The following ANKS1A variants were observed in gnomAD, a reference collection of about 807,000 sequenced individuals.
ANKS1A encodes the protein ankyrin repeat and SAM domain-containing protein 1A.
In ANKS1A, 55 loss-of-function variants were observed where a neutral mutation model predicts 120.3. The ratio of observed to expected loss-of-function variants is 0.46; its 90% CI spans 0.37 to 0.57. ANKS1A has a LOEUF of 0.57. Ranked by LOEUF, ANKS1A falls within the 20% of genes least tolerant of loss-of-function variation. The probability of loss-of-function intolerance (pLI) is 0.00; values close to 1 mark genes in which losing one functional copy is unlikely to be tolerated. For missense variants in ANKS1A, 1,123 were observed against 1,480.3 expected (o/e 0.76, Z 3.96); for synonymous variants, 590 against 604.7 (o/e 0.98, Z 0.36).
chr6:35,028,616 A>C (rs987001835), intron 11 of ANKS1A, among the ~76,000 whole-genome samples: 4 of 152,192 alleles, frequency 2.6e-5, no homozygotes, highest in African/African-American at 7.2e-5. Context: ...CCTTCCAGAA[A>C]TATTCTCTGC....
Position 35,089,423 on chromosome 6 carries a change from C to T in ANKS1A, c.*814C>T, listed in dbSNP as rs549784165. 69 of 986,706 alleles carry T rather than the reference C, an allele frequency of 7.0e-5. No homozygotes were observed. In the African/African-American group the frequency reaches 1.0e-3, roughly 15 times the overall value. The allele number at this position is 986,706 out of a possible 1,614,324, so 61.1% of individuals were successfully genotyped here. A position where few individuals can be genotyped will look rare whatever the true frequency, so the allele number is the denominator to read the frequency against. On this transcript the variant is annotated 3_prime_UTR_variant, in exon 24 of 24. Coordinates refer to ENST00000360359, the MANE Select transcript of ANKS1A (RefSeq NM_015245.3). ...CGGAGCACTGCCCTGGGCTGGCCGGCGCCGTACTGCCTGCGTTGTGTCAGA... is the reference window on the plus strand; with the variant it reads ...CGGAGCACTGCCCTGGGCTGGCCGGTGCCGTACTGCCTGCGTTGTGTCAGA...
Position 35,089,035 on chromosome 6 carries a change from G to C in ANKS1A, c.*426G>C. The C allele has an allele frequency of 5.5e-6, 6 of 1,099,994 alleles. No homozygotes were observed. Among genetic ancestry groups the C allele is most frequent in the Non-Finnish European group, 6.7e-6 (6 of 897,272 alleles). The allele number at this position is 1,099,994 out of a possible 1,614,324, so 68.1% of individuals were successfully genotyped here. A position where few individuals can be genotyped will look rare whatever the true frequency, so the allele number is the denominator to read the frequency against. On this transcript the variant is annotated 3_prime_UTR_variant, in exon 24 of 24. Coordinates refer to ENST00000360359, the MANE Select transcript of ANKS1A (RefSeq NM_015245.3). ...CAGCCTGCATAGCCTCTGTCCTCAG[G>C]ACGGAACTTGGGTGCAGCTCAGTGG...
At chr6:34,985,352 A>G (rs1581597734) in intron 8 of ANKS1A, 74 bp downstream of exon 8, 2 of 1,462,986 alleles carry the variant, frequency 1.4e-6, no homozygotes, top group Non-Finnish European at 1.9e-6. Context: ...GGGCACGGGG[A>G]AGGGAAGTGT....
rs1316817718 is a variant in ANKS1A at position 35,084,949 on chromosome 6, C to T, written c.3132+691C>T. 6.6e-6 allele frequency among the ~76,000 whole-genome samples: 1 copy of T among 152,152 alleles called. No homozygotes were observed. ...GTGGCCCCAGGCTGCTTCCTCACCC[C>T]GGGAGGAAGTCAGAGGGGTCCAGGT... On this transcript the variant is annotated intron_variant, in intron 21 of 23. Transcript: ENST00000360359. This position sits in a 1 kb window ranked among gnomAD's most constrained non-coding sequence, Gnocchi z 4.8.
At chr6:35,030,379 G>A (rs547813852) in intron 11 of ANKS1A, among the ~76,000 whole-genome samples, 1 of 152,230 alleles carries the variant, frequency 6.6e-6, no homozygotes, top group South Asian at 2.1e-4. Context: ...AAGATGGGGG[G>A]CTGTTAGGTT....
At chr6:34,920,440 C>T (rs993779027) in intron 1 of ANKS1A, among the ~76,000 whole-genome samples, 1 of 152,098 alleles carries the variant, frequency 6.6e-6, no homozygotes, top group Non-Finnish European at 1.5e-5. Context: ...TGGTCTCAAA[C>T]TCCCGGCTTC....
At chr6:35,005,407 G>A (rs1773397776) in intron 10 of ANKS1A, among the ~76,000 whole-genome samples, 1 of 152,168 alleles carries the variant, frequency 6.6e-6, no homozygotes, top group Admixed American at 6.5e-5. Context: ...GAAATTAGTG[G>A]TAGTGGAAAC....
At position 35,016,778 on chromosome 6, in the gene ANKS1A, A is replaced by AG. The variant is rs1774026232; in HGVS notation, c.1424-695_1424-694insG. On this transcript the variant is annotated intron_variant, in intron 10 of 23. Transcript: ENST00000360359. ...GTGCACATTCTCAAAAAAAAAAAAA[A>AG]AAAAGAGAGAGAGAAAGAAAAGTCT... Among the ~76,000 whole-genome samples the AG allele has an allele frequency of 7.2e-5, 8 of 110,360 alleles. No individual in the cohort carries two copies. The South Asian group carries it at 1.2e-3, about 17-fold the overall frequency. The allele number at this position is 110,360 out of a possible 152,430, so 72.4% of individuals were successfully genotyped here.
At chr6:34,892,843 G>A (rs1007727124) in intron 1 of ANKS1A, among the ~76,000 whole-genome samples, 18 of 152,148 alleles carry the variant, frequency 1.2e-4, no homozygotes, top group African/African-American at 3.9e-4. Context: ...AACCCTCACC[G>A]ATTGATGCTA....
At position 35,085,405 on chromosome 6, in the gene ANKS1A, A is replaced by G. The variant is rs1044431243; in HGVS notation, c.3133-361A>G. ...AAATGGAGTTAGGGGCACAGCACTC[A>G]CAGACTTTGTCGGTGACACATTAAA... On this transcript the variant is annotated intron_variant, in intron 21 of 23. Coordinates refer to ENST00000360359, the MANE Select transcript of ANKS1A (RefSeq NM_015245.3). The surrounding 1 kb of genome is among the most constrained non-coding windows in gnomAD (Gnocchi z 4.7). Among the ~76,000 whole-genome samples the G allele has an allele frequency of 2.6e-5, 4 of 152,210 alleles. No individual in the cohort carries two copies. The highest frequency in any genetic ancestry group is 4.8e-5 in the African/African-American group (2 of 41,454).
At chr6:34,993,686 C>T (rs945882432) in intron 9 of ANKS1A, among the ~76,000 whole-genome samples, 6 of 152,122 alleles carry the variant, frequency 3.9e-5, no homozygotes, top group Non-Finnish European at 8.8e-5. Context: ...TTCTAGTAAA[C>T]GTCAAATGTT....
intron 11 of ANKS1A, among the ~76,000 whole-genome samples, chr6:35,024,697 G>GGCCAAGTCCAGAAGTGGCCTC (rs1774519529): frequency 6.6e-6 from 1 of 152,202 alleles, no homozygotes; most frequent in South Asian, 2.1e-4. Context: ...CACCCTTTCA[G>GGCCAAGTCCAGAAGTGGCCTC]GCCAAGTCCA....
At chr6:34,995,292 A>G (rs768433933) in intron 10 of ANKS1A, among the ~76,000 whole-genome samples, 7 of 152,150 alleles carry the variant, frequency 4.6e-5, no homozygotes, top group Non-Finnish European at 8.8e-5. Context: ...TGCGTATGAC[A>G]TTGTAGACTT....
the ANKS1A span, among the ~76,000 whole-genome samples, chr6:35,097,795 T>C: frequency 2.6e-5 from 4 of 152,190 alleles, no homozygotes; most frequent in Admixed American, 2.0e-4. Flanking sequence ...ACAGTTCAGT[T>C]GGTCTTAGTT....
rs59378149 is a variant in ANKS1A, at chr6:35,052,609, TAAA to T, written c.2011-1469_2011-1467del. On this transcript the variant is annotated intron_variant, in intron 11 of 23. Transcript: ENST00000360359. ...CAACATAACAAGACCTCTTCTCTGT[TAAA>T]AAAAAAAAAAAAAAAAAAAAGAATA... is the stretch of plus-strand genomic sequence containing the variant. Among the ~76,000 whole-genome samples, 720 of 102,410 alleles carry T rather than the reference TAAA, an allele frequency of 7.0e-3. 3 individuals carry two copies. Among genetic ancestry groups the T allele is most frequent in the Middle Eastern group, 0.015 (3 of 194 alleles). The allele number at this position is 102,410 out of a possible 152,430, so 67.2% of individuals were successfully genotyped here. A position where few individuals can be genotyped will look rare whatever the true frequency, so the allele number is the denominator to read the frequency against.
intron 13 of ANKS1A, among the ~76,000 whole-genome samples, chr6:35,068,578 T>G (rs553598717): frequency 1.6e-4 from 24 of 152,330 alleles, no homozygotes; most frequent in African/African-American, 5.3e-4. Context: ...CAATTTCTCG[T>G]GTGTCCAGGT....
chr6:35,030,781 C>T (rs1407732656), intron 11 of ANKS1A, among the ~76,000 whole-genome samples: 5 of 152,220 alleles, frequency 3.3e-5, no homozygotes, highest in African/African-American at 1.2e-4. Context: ...TTTGAAGCTG[C>T]AATTATGTCC....
chr6:34,891,904 GGCGTGA>G (rs1447283437), intron 1 of ANKS1A, among the ~76,000 whole-genome samples: 1 of 152,228 alleles, frequency 6.6e-6, no homozygotes, highest in Non-Finnish European at 1.5e-5. Context: ...TGGGATTACA[GGCGTGA>G]GCCACCTTGC....
Position 34,982,995 on chromosome 6 carries a change from C to A in ANKS1A, c.809-118C>A. 8.0e-7 allele frequency: 1 copy of A among 1,255,274 alleles called. No individual in the cohort carries two copies. The highest frequency in any genetic ancestry group is 1.2e-6 in the Non-Finnish European group (1 of 866,412). The allele number at this position is 1,255,274 out of a possible 1,614,324, so 77.8% of individuals were successfully genotyped here. Reference sequence around the variant, plus strand: ...GTTCTTGAATAGCTGGATTAAATGGCTCTGGATGAAAAATGTTGGCCATGC... The same window carrying A: ...GTTCTTGAATAGCTGGATTAAATGGATCTGGATGAAAAATGTTGGCCATGC... On this transcript the variant is annotated intron_variant, in intron 5 of 23. Coordinates refer to ENST00000360359, the MANE Select transcript of ANKS1A (RefSeq NM_015245.3). The surrounding 1 kb of genome is among the most constrained non-coding windows in gnomAD (Gnocchi z 4.9).
Sources: allele counts gnomAD v4.1 joint callset (sites outside exome capture counted in the v4.1 genomes callset), GRCh38; gene constraint gnomAD v4.1.1; non-coding constraint Gnocchi (gnomAD v3.1); transcripts MANE v1.5; gene names NCBI Gene and HGNC (gene_info 2026-07-23, HGNC 2026-07-21).